RTRAF: variants seen among roughly 807,000 people sequenced by gnomAD.
RTRAF encodes tRNA-splicing ligase complex subunit RTRAF.
In RTRAF, 14 loss-of-function variants were observed where a neutral mutation model predicts 34.4. That is an observed-to-expected ratio of 0.41 (90% CI 0.27 to 0.64). RTRAF has a LOEUF of 0.64. RTRAF is among the 30% of genes least tolerant of loss of function. The probability of loss-of-function intolerance (pLI) is 0.34; values close to 1 mark genes in which losing one functional copy is unlikely to be tolerated. For synonymous variants in RTRAF, 96 were observed against 95.3 expected (o/e 1.01, Z -0.04); for missense variants, 291 against 288.4 (o/e 1.01, Z -0.06).
chr14:52,002,114 C>G (rs1388243620), intron 6 of RTRAF, among the ~76,000 whole-genome samples: 2 of 152,174 alleles, frequency 1.3e-5, no homozygotes, highest in African/African-American at 2.4e-5. Flanking sequence ...AGCTCATGCA[C>G]AGTCCACAAA....
Position 52,004,359 on chromosome 14 carries a change from C to CA in RTRAF, c.581-2dup. 1 of 1,613,010 alleles carries CA rather than the reference C, an allele frequency of 6.2e-7. No homozygotes were observed. Among genetic ancestry groups the CA allele is most frequent in the Non-Finnish European group, 8.5e-7 (1 of 1,179,564 alleles). ...GAAGCAGTGTTCTTTTCTCATAAAA[C>CA]AGATGCAGTTCTTAATGAAGCTGCT... On this transcript the variant is annotated splice_region_variant and splice_polypyrimidine_tract_variant and intron_variant, in intron 7 of 7. Coordinates refer to ENST00000261700, the MANE Select transcript of RTRAF (RefSeq NM_016039.3).
chr14:52,005,671 A>AAATACCATATATATCCCTT lies in RTRAF; in HGVS notation c.*1156_*1174dup. On this transcript the variant is annotated 3_prime_UTR_variant, in exon 8 of 8. Transcript: ENST00000261700. Reference sequence around the variant, plus strand: ...AGTGTCACAGGCAGCAGGGGTAATCAAATACCATATATATCCCTTCTCTAC... The same window carrying AAATACCATATATATCCCTT: ...AGTGTCACAGGCAGCAGGGGTAATCAAATACCATATATATCCCTTAATACCATATATATCCCTTCTCTAC... The AAATACCATATATATCCCTT allele has an allele frequency of 7.0e-7, 1 of 1,435,930 alleles. No individual in the cohort carries two copies. Among genetic ancestry groups the AAATACCATATATATCCCTT allele is most frequent in the East Asian group, 2.3e-5 (1 of 43,920 alleles). The allele number at this position is 1,435,930 out of a possible 1,614,324, so 88.9% of individuals were successfully genotyped here.
At chr14:51,990,427 G>A (rs1378947215) in intron 1 of RTRAF, among the ~76,000 whole-genome samples, 1 of 152,174 alleles carries the variant, frequency 6.6e-6, no homozygotes, top group African/African-American at 2.4e-5. Flanking sequence ...GTGATAGACT[G>A]GTAAGTTTGA....
At position 51,991,721 on chromosome 14, in the gene RTRAF, T is replaced by A. The variant is rs201266036; in HGVS notation, c.186+280T>A. Among the ~76,000 whole-genome samples the A allele has an allele frequency of 4.6e-5, 7 of 152,304 alleles. No homozygotes were observed. The East Asian group carries it at 1.2e-3, about 25-fold the overall frequency. On this transcript the variant is annotated intron_variant, in intron 2 of 7. Transcript: ENST00000261700. ...AATGATGTAAATATTTCGCTTTCCCTTTATGGCCCAAATCAGAATTTTTGT... is the reference window on the plus strand; with the variant it reads ...AATGATGTAAATATTTCGCTTTCCCATTATGGCCCAAATCAGAATTTTTGT...
At chr14:51,992,117 A>G (rs1890443653) in intron 2 of RTRAF, among the ~76,000 whole-genome samples, 1 of 152,234 alleles carries the variant, frequency 6.6e-6, no homozygotes, top group Non-Finnish European at 1.5e-5. Flanking sequence ...TCCTTAAATG[A>G]TCTCTGGTAT....
chr14:51,992,620 TA>T (rs1274713404), intron 2 of RTRAF, among the ~76,000 whole-genome samples: 1 of 152,254 alleles, frequency 6.6e-6, no homozygotes, highest in Non-Finnish European at 1.5e-5. Flanking sequence ...GTGGACTTCT[TA>T]AAACTTTGAA....
Position 52,006,056 on chromosome 14 carries a change from G to C in RTRAF, c.*1540G>C, listed in dbSNP as rs1890767442. The C allele has an allele frequency of 5.4e-6, 3 of 555,494 alleles. No homozygotes were observed. In the South Asian group the frequency reaches 6.0e-5, roughly 11 times the overall value. The allele number at this position is 555,494 out of a possible 1,614,324, so 34.4% of individuals were successfully genotyped here. The stretch of plus-strand genomic sequence containing the variant: ...GCTGCATGTTAGAATCACATGATGA[G>C]CTATCAAATCAGAGTTGTAGGGCAT... On this transcript the variant is annotated 3_prime_UTR_variant, in exon 8 of 8. Transcript: ENST00000261700.
At position 52,004,256 on chromosome 14, in the gene RTRAF, T is replaced by G. The variant is rs1300542386; in HGVS notation, c.580+14T>G. The G allele has an allele frequency of 1.2e-6, 2 of 1,612,866 alleles. No individual in the cohort carries two copies. The highest frequency in any genetic ancestry group is 2.2e-5 in the South Asian group (2 of 90,898). On this transcript the variant is annotated intron_variant, in intron 7 of 7. Transcript: ENST00000261700. ...TTGACACAGGAGGTAAGTGATTTTG[T>G]TTAAATTCAAACTATTTTTTTTACA... is the stretch of plus-strand genomic sequence containing the variant.
intron 3 of RTRAF, among the ~76,000 whole-genome samples, chr14:51,996,719 T>C (rs1890527039): frequency 6.6e-6 from 1 of 152,020 alleles, no homozygotes; most frequent in African/African-American, 2.4e-5. Context: ...CTTTGTCTTA[T>C]ATAACCACAG....
Position 52,004,562 on chromosome 14 carries a change from C to T in RTRAF, c.*46C>T, listed in dbSNP as rs765823675. 3 of 1,545,622 alleles carry T rather than the reference C, an allele frequency of 1.9e-6. No individual in the cohort carries two copies. In the Admixed American group the frequency reaches 6.0e-5, roughly 31 times the overall value. ...CTCACCTACTTAGTACAGTTGGGAA[C>T]CATACACTTCTGGCATGTTTGGAAA... On this transcript the variant is annotated 3_prime_UTR_variant, in exon 8 of 8. Transcript: ENST00000261700.
chr14:52,004,637 C>T lies in RTRAF; in HGVS notation c.*121C>T. ...GGAAGCCCAGAAAATTGGGTATGTTCTAGAGATTTACCACCATTGCTTATT... is the reference window on the plus strand; with the variant it reads ...GGAAGCCCAGAAAATTGGGTATGTTTTAGAGATTTACCACCATTGCTTATT... On this transcript the variant is annotated 3_prime_UTR_variant, in exon 8 of 8. Transcript: ENST00000261700. 1.1e-6 allele frequency: 1 copy of T among 943,826 alleles called. No homozygotes were observed. The highest frequency in any genetic ancestry group is 1.6e-6 in the Non-Finnish European group (1 of 643,246). The allele number at this position is 943,826 out of a possible 1,614,324, so 58.5% of individuals were successfully genotyped here. A position where few individuals can be genotyped will look rare whatever the true frequency, so the allele number is the denominator to read the frequency against.
rs770707702 is a variant in RTRAF at position 52,005,545 on chromosome 14, T to A, written c.*1029T>A. The A allele has an allele frequency of 6.3e-6, 10 of 1,580,198 alleles. No individual in the cohort carries two copies. The highest frequency in any genetic ancestry group is 7.7e-6 in the Non-Finnish European group (9 of 1,163,622). On this transcript the variant is annotated 3_prime_UTR_variant, in exon 8 of 8. Coordinates refer to ENST00000261700, the MANE Select transcript of RTRAF (RefSeq NM_016039.3). ...GACAGGGTGGTGGGTGAGTATATTGTAACCAAGTTGCAACAGCAAGTCTTT... is the reference window on the plus strand; with the variant it reads ...GACAGGGTGGTGGGTGAGTATATTGAAACCAAGTTGCAACAGCAAGTCTTT...
chr14:51,994,569 C>T (rs996959481), intron 3 of RTRAF, among the ~76,000 whole-genome samples: 3 of 152,158 alleles, frequency 2.0e-5, no homozygotes, highest in Admixed American at 2.0e-4. Context: ...TCACTTTCTG[C>T]CAGGAGTATT....
intron 5 of RTRAF, 118 bp downstream of exon 5, chr14:51,999,914 A>G: frequency 1.5e-6 from 1 of 657,550 alleles, no homozygotes; most frequent in African/African-American, 1.8e-5. Flanking sequence ...TACACAGAAG[A>G]ATATGAAACA....
intron 3 of RTRAF, among the ~76,000 whole-genome samples, chr14:51,996,769 T>G (rs993095606): frequency 4.6e-5 from 7 of 152,038 alleles, no homozygotes; most frequent in African/African-American, 1.4e-4. Flanking sequence ...TGATATACTA[T>G]TATTTATTCA....
chr14:52,001,744 A>C, intron 5 of RTRAF, 54 bp from the exon 6 acceptor site: 2 of 1,418,140 alleles, frequency 1.4e-6, no homozygotes, highest in Non-Finnish European at 2.0e-6. Flanking sequence ...TCATAGAAGA[A>C]AGGATGACAG....
intron 3 of RTRAF, 132 bp from the exon 4 acceptor site, chr14:51,998,362 G>T: frequency 1.9e-6 from 1 of 528,158 alleles, no homozygotes. Flanking sequence ...TTTAAAATTG[G>T]AAATTATTGG....
rs775947856 is a variant in RTRAF, at chr14:52,006,567, G to A, written c.*2051G>A. The A allele has an allele frequency of 4.3e-6, 7 of 1,613,802 alleles. No homozygotes were observed. Among genetic ancestry groups the A allele is most frequent in the Middle Eastern group, 1.7e-4 (1 of 6,060 alleles). On this transcript the variant is annotated 3_prime_UTR_variant, in exon 8 of 8. Coordinates refer to ENST00000261700, the MANE Select transcript of RTRAF (RefSeq NM_016039.3). Reference sequence around the variant, plus strand: ...CCAGTCTGTGTGGTAGAAGTGATCTGCATAGCTTACGATGCTGAAGGGGTA... The same window carrying A: ...CCAGTCTGTGTGGTAGAAGTGATCTACATAGCTTACGATGCTGAAGGGGTA...
chr14:51,998,406 T>C, intron 3 of RTRAF, 88 bp from the exon 4 acceptor site: 1 of 680,066 alleles, frequency 1.5e-6, no homozygotes, highest in South Asian at 2.8e-5. Flanking sequence ...CCTGTAATCA[T>C]TTTGGCTCAG....
Sources: gnomAD v4.1 joint callset for allele counts (sites outside exome capture counted in the v4.1 genomes callset) on GRCh38, gnomAD v4.1.1 for gene constraint, MANE v1.5 for transcripts, NCBI Gene and HGNC (gene_info 2026-07-23, HGNC 2026-07-21) for gene names.